MAGI2: variants seen among roughly 807,000 people sequenced by gnomAD.
MAGI2 encodes membrane associated guanylate kinase, WW and PDZ domain containing 2.
A neutral mutation model predicts 133.3 loss-of-function variants in MAGI2; 35 were observed. The observed-to-expected ratio is 0.26, with a 90% CI of 0.20 to 0.35. The LOEUF (loss-of-function observed/expected upper bound fraction) is 0.35, where lower values mean the gene tolerates loss of function less well. Among genes scored for constraint, MAGI2 ranks in the 10% least tolerant of loss-of-function variants. MAGI2 has a pLI of 1.00. For missense variants in MAGI2, 1,636 were observed against 1,863.4 expected, an observed-to-expected ratio of 0.88 and a Z score of 2.25; for synonymous variants, 729 against 710.6, an observed-to-expected ratio of 1.03 and a Z score of -0.41.
At chr7:79,214,433 A>C (rs1420051041) in intron 1 of MAGI2, among the ~76,000 whole-genome samples, 2 of 128,354 alleles carry the variant, frequency 1.6e-5, no homozygotes, top group East Asian at 4.5e-4. Context: ...ATATATATAT[A>C]TATATATATA....
chr7:78,026,814 T>C (rs1808966090), intron 21 of MAGI2, among the ~76,000 whole-genome samples: 1 of 152,178 alleles, frequency 6.6e-6, no homozygotes, highest in South Asian at 2.1e-4. Context: ...TTACAGGGCA[T>C]GAACCCAGGG....
intron 13 of MAGI2, 117 bp from the exon 14 acceptor site, chr7:78,178,219 G>T: frequency 1.5e-6 from 1 of 646,078 alleles, no homozygotes; most frequent in Non-Finnish European, 2.7e-6. Context: ...AGTGCTGTTA[G>T]GGTCAATGGA....
At chr7:79,292,770 CAAAAA>C (rs199933554) in intron 1 of MAGI2, among the ~76,000 whole-genome samples, 12 of 57,406 alleles carry the variant, frequency 2.1e-4, no homozygotes, top group East Asian at 7.9e-4. Context: ...TCAATTTCTG[CAAAAA>C]AAAAAAAAAA....
intron 1 of MAGI2, among the ~76,000 whole-genome samples, chr7:79,152,618 G>A (rs1379596112): frequency 2.6e-5 from 4 of 152,118 alleles, no homozygotes; most frequent in South Asian, 2.1e-4. Context: ...GCTCCAGGGA[G>A]GCGGGAAGTG....
At chr7:78,714,930 A>G (rs1379861406) in intron 2 of MAGI2, among the ~76,000 whole-genome samples, 2 of 152,216 alleles carry the variant, frequency 1.3e-5, no homozygotes, top group East Asian at 1.9e-4. Flanking sequence ...CTAAGGAATC[A>G]TACTGTTCCT....
At chr7:79,216,604 C>T (rs920984641) in intron 1 of MAGI2, among the ~76,000 whole-genome samples, 4 of 152,076 alleles carry the variant, frequency 2.6e-5, no homozygotes, top group Admixed American at 6.5e-5. Context: ...CCAGATCCTG[C>T]GCCTTTTGCT....
intron 1 of MAGI2, among the ~76,000 whole-genome samples, chr7:79,245,702 G>C (rs539654904): frequency 6.6e-6 from 1 of 152,166 alleles, no homozygotes; most frequent in Non-Finnish European, 1.5e-5. Context: ...GGATCAGGGA[G>C]AACTTGCCAC....
At chr7:79,218,048 G>A (rs1266791883) in intron 1 of MAGI2, among the ~76,000 whole-genome samples, 2 of 151,972 alleles carry the variant, frequency 1.3e-5, no homozygotes, top group East Asian at 1.9e-4. Context: ...TGCTGACAGA[G>A]ACTAGAACTA....
At chr7:78,626,547 G>T (rs556761672) in intron 3 of MAGI2, among the ~76,000 whole-genome samples, 4 of 152,164 alleles carry the variant, frequency 2.6e-5, no homozygotes, top group Admixed American at 2.0e-4. Context: ...CAAGGTTTTG[G>T]TTTCATTTGC....
chr7:78,666,100 C>G (rs1181441919), intron 2 of MAGI2, among the ~76,000 whole-genome samples: 1 of 152,074 alleles, frequency 6.6e-6, no homozygotes, highest in Non-Finnish European at 1.5e-5. Context: ...GCTTATGTAA[C>G]TTTTGCTATC....
chr7:78,849,090 C>T (rs1275414149), intron 2 of MAGI2, among the ~76,000 whole-genome samples: 2 of 151,996 alleles, frequency 1.3e-5, no homozygotes, highest in African/African-American at 2.4e-5. Flanking sequence ...GATTTAGAAA[C>T]TCTATTCTAA....
intron 10 of MAGI2, among the ~76,000 whole-genome samples, chr7:78,218,098 C>T (rs1788444486): frequency 1.3e-5 from 2 of 152,212 alleles, no homozygotes. Flanking sequence ...GGCCAAGAGC[C>T]TTCTACAACT....
chr7:79,253,939 T>C (rs1245954067), intron 1 of MAGI2, among the ~76,000 whole-genome samples: 1 of 152,066 alleles, frequency 6.6e-6, no homozygotes, highest in Non-Finnish European at 1.5e-5. Flanking sequence ...GATCTAAAGA[T>C]ATTTATCATT....
intron 9 of MAGI2, among the ~76,000 whole-genome samples, chr7:78,335,202 C>A (rs1264109759): frequency 2.0e-5 from 3 of 152,118 alleles, no homozygotes; most frequent in African/African-American, 7.2e-5. Flanking sequence ...GCTGGGAGGG[C>A]AGCATGGATA....
At chr7:79,153,227 A>C (rs1030886887) in intron 1 of MAGI2, among the ~76,000 whole-genome samples, 1 of 152,164 alleles carries the variant, frequency 6.6e-6, no homozygotes, top group Non-Finnish European at 1.5e-5. Context: ...AAATTTAGTC[A>C]GCTCTACAAG....
intron 2 of MAGI2, among the ~76,000 whole-genome samples, chr7:78,646,436 A>T (rs1182334898): frequency 1.3e-5 from 2 of 152,214 alleles, no homozygotes; most frequent in Non-Finnish European, 2.9e-5. Flanking sequence ...AAGTGCATGT[A>T]TATATGTGTA....
At chr7:78,381,316 C>T (rs1359238904) in intron 6 of MAGI2, among the ~76,000 whole-genome samples, 2 of 151,820 alleles carry the variant, frequency 1.3e-5, no homozygotes, top group African/African-American at 4.8e-5. Context: ...CACTGCACTC[C>T]AACCTGGGTG....
chr7:79,371,629 A>G (rs561064041), intron 1 of MAGI2, among the ~76,000 whole-genome samples: 48 of 152,188 alleles, frequency 3.2e-4, no homozygotes, highest in Non-Finnish European at 5.6e-4. Context: ...TAGCGTACAT[A>G]TGTAGTAGAC....
At chr7:78,020,496 A>G (rs1001361810) in intron 21 of MAGI2, among the ~76,000 whole-genome samples, 6 of 152,096 alleles carry the variant, frequency 3.9e-5, no homozygotes, top group African/African-American at 9.7e-5. Flanking sequence ...GGGGTGTCCA[A>G]TCTTTTGGCT....
Sources: allele counts gnomAD v4.1 joint callset (sites outside exome capture counted in the v4.1 genomes callset), GRCh38; gene constraint gnomAD v4.1.1; transcripts MANE v1.5; gene names NCBI Gene and HGNC (gene_info 2026-07-23, HGNC 2026-07-21).